The following HYAL3 variants were observed in gnomAD, a reference collection of about 807,000 sequenced individuals.
The protein encoded by HYAL3 is hyaluronidase 3, also known as hyaluronidase-3.
A neutral mutation model predicts 29.6 loss-of-function variants in HYAL3; 25 were observed. That is an observed-to-expected ratio of 0.85 (90% CI 0.62 to 1.18). The LOEUF (loss-of-function observed/expected upper bound fraction) is 1.18, where lower values mean the gene tolerates loss of function less well. Ranked by LOEUF, HYAL3 falls within the 50% of genes most tolerant of loss-of-function variation. HYAL3 has a pLI of 0.00. For synonymous variants in HYAL3, 215 were observed against 218.3 expected (o/e 0.99, Z 0.13); for missense variants, 442 against 548.4 (o/e 0.81, Z 1.94).
At chr3:50,298,937 A>G in intron 1 of HYAL3, 1 of 1,410,046 alleles carries the variant, frequency 7.1e-7, no homozygotes, top group Non-Finnish European at 9.2e-7. Flanking sequence ...TTCAGTGCCG[A>G]CCCCACCCAC....
At position 50,295,022 on chromosome 3, in the gene HYAL3, T is replaced by C. The variant is rs1553710787; in HGVS notation, c.581A>G (p.His194Arg). The C allele has an allele frequency of 6.2e-7, 1 of 1,613,384 alleles. No individual in the cohort carries two copies. Among genetic ancestry groups the C allele is most frequent in the Non-Finnish European group, 8.5e-7 (1 of 1,179,936 alleles). ...GTAGTGATAGAAGCCCCAGAGTCCA[T>C]GGGGCCGTAGTGCCTGGGCCACCCG... The part of the protein sequence containing the change: ...TLRVAQALRP[H>R]GLWGFYHYPA... The change falls in exon 2 of 4, where the codon CAT (histidine) becomes CGT (arginine). Residue 194 changes from histidine (H) to arginine (R), a missense_variant. By Grantham distance (29) the His-to-Arg change is conservative. Transcript: ENST00000336307.
chr3:50,297,136 G>A lies in HYAL3; in HGVS notation c.-17-1517C>T. On this transcript the variant is annotated intron_variant, in intron 1 of 3. Coordinates refer to ENST00000336307, the MANE Select transcript of HYAL3 (RefSeq NM_003549.4). This position sits in a 1 kb window ranked among gnomAD's most constrained non-coding sequence, Gnocchi z 4.3. ...GGTGCTGCTTCAAGTGTGGGGTGGG[G>A]GCTTAGCAGCATCAGGCAGAGGGGG... The A allele has an allele frequency of 1.3e-6, 2 of 1,583,744 alleles. No homozygotes were observed. Among genetic ancestry groups the A allele is most frequent in the East Asian group, 2.2e-5 (1 of 44,506 alleles).
chr3:50,294,986 C>A lies in HYAL3; in HGVS notation c.617G>T (p.Gly206Val). The A allele has an allele frequency of 1.2e-6, 2 of 1,613,328 alleles. No individual in the cohort carries two copies. The highest frequency in any genetic ancestry group is 1.7e-6 in the Non-Finnish European group (2 of 1,179,826). ...GGAAGCCATACTATGCCAGCCATTG[C>A]CACAGGCTGGGTAGTGATAGAAGCC... ...LWGFYHYPAC[G>V]NGWHSMASNY... is the part of the protein sequence containing the mutation. Residue 206 changes from glycine (G) to valine (V), a missense_variant, in exon 2 of 4, where the codon GGC (glycine) becomes GTC (valine). Transcript: ENST00000336307.
At position 50,299,318 on chromosome 3, in the gene HYAL3, G is replaced by C; in HGVS notation, c.-123C>G. ...CTCGGTCCGACAACGTTGGCCCCCAGCGGTGCGGCGGATGTTCTGCAGCCG... is the reference window on the plus strand; with the variant it reads ...CTCGGTCCGACAACGTTGGCCCCCACCGGTGCGGCGGATGTTCTGCAGCCG... On this transcript the variant is annotated 5_prime_UTR_variant, in exon 1 of 4. Coordinates refer to ENST00000336307, the MANE Select transcript of HYAL3 (RefSeq NM_003549.4). 6.2e-7 allele frequency: 1 copy of C among 1,602,596 alleles called. No individual in the cohort carries two copies. The highest frequency in any genetic ancestry group is 1.1e-5 in the South Asian group (1 of 90,418).
chr3:50,292,911 G>GGGCCCATCTGCCCGTGCAC lies in HYAL3; in HGVS notation c.*316_*334dup. The GGGCCCATCTGCCCGTGCAC allele has an allele frequency of 6.6e-7, 1 of 1,504,154 alleles. No homozygotes were observed. Among genetic ancestry groups the GGGCCCATCTGCCCGTGCAC allele is most frequent in the Non-Finnish European group, 8.9e-7 (1 of 1,120,246 alleles). 93.2% of individuals were successfully genotyped at this position (1,504,154 alleles called of 1,614,324 possible). ...TACCGACCTTCGCCAAGATTTTTTG[G>GGGCCCATCTGCCCGTGCAC]GGCCCATCTGCCCGTGCACGGCCCA... On this transcript the variant is annotated 3_prime_UTR_variant, in exon 4 of 4. Transcript: ENST00000336307.
chr3:50,293,603 C>T, intron 3 of HYAL3, 29 bp downstream of exon 3: 1 of 1,613,556 alleles, frequency 6.2e-7, no homozygotes, highest in Non-Finnish European at 8.5e-7. Context: ...GCATGTGCTA[C>T]ATGGCAGGCT....
At chr3:50,295,897 CACT>C (rs1347998399) in intron 1 of HYAL3, 7 of 415,092 alleles carry the variant, frequency 1.7e-5, no homozygotes, top group African/African-American at 5.9e-5. Flanking sequence ...GTCAATACAC[CACT>C]GTGTCCTCCC....
chr3:50,294,348 G>C (rs1365802137), intron 2 of HYAL3, among the ~76,000 whole-genome samples: 1 of 152,124 alleles, frequency 6.6e-6, no homozygotes, highest in African/African-American at 2.4e-5. Context: ...GCCCAGGCTG[G>C]TCTCGAACTC....
chr3:50,293,854 G>T, intron 2 of HYAL3, 133 bp from the exon 3 acceptor site: 1 of 848,854 alleles, frequency 1.2e-6, no homozygotes, highest in Non-Finnish European at 1.9e-6. Context: ...CTCTAGTTTG[G>T]TTTGGTTTTA....
rs1553710994 is a variant in HYAL3, at chr3:50,295,589, A to G, written c.14T>C (p.Leu5Pro). The change falls in exon 2 of 4, where the codon CTG (leucine) becomes CCG (proline). Residue 5 changes from leucine (L) to proline (P), a missense_variant. Physicochemically the swap from Leu to Pro is moderately conservative, Grantham distance 98. Transcript: ENST00000336307. ...CACCCCCAGCACCAGGGCTGGGCCCAGTTGCGTGGTCATTCCCCAAGGATG... is the reference window on the plus strand; with the variant it reads ...CACCCCCAGCACCAGGGCTGGGCCCGGTTGCGTGGTCATTCCCCAAGGATG... MTTQLGPALVLGVAL... is the reference protein window; with the variant it reads MTTQPGPALVLGVAL... 3.9e-6 allele frequency: 6 copies of G among 1,547,416 alleles called. No homozygotes were observed. In the Admixed American group the frequency reaches 1.1e-4, roughly 29 times the overall value.
chr3:50,297,405 G>T lies in HYAL3; in HGVS notation c.-17-1786C>A, dbSNP rs1701897432. The T allele has an allele frequency of 6.2e-7, 1 of 1,613,322 alleles. No homozygotes were observed. ...GCATGTGGAATCCAGGGGCAGCTTT[G>T]GCTGGCACGCAGGATCCAGAGTCAG... On this transcript the variant is annotated intron_variant, in intron 1 of 3. Transcript: ENST00000336307. The surrounding 1 kb of genome is among the most constrained non-coding windows in gnomAD (Gnocchi z 4.3).
intron 2 of HYAL3, among the ~76,000 whole-genome samples, chr3:50,294,440 G>T (rs1009600554): frequency 4.6e-5 from 7 of 152,094 alleles, no homozygotes; most frequent in African/African-American, 1.7e-4. Context: ...CCCAAGTAGG[G>T]CCCCTTTGTA....
chr3:50,297,205 G>A lies in HYAL3; in HGVS notation c.-17-1586C>T, dbSNP rs782362952. The A allele has an allele frequency of 3.7e-6, 6 of 1,612,546 alleles. No individual in the cohort carries two copies. The highest frequency in any genetic ancestry group is 2.2e-5 in the South Asian group (2 of 90,938). ...CCCAGGGAGTGCAGGCGGGAGGTGC[G>A]GCTGCGGGGCCACTGATCATTGATG... On this transcript the variant is annotated intron_variant, in intron 1 of 3. Coordinates refer to ENST00000336307, the MANE Select transcript of HYAL3 (RefSeq NM_003549.4). This position sits in a 1 kb window ranked among gnomAD's most constrained non-coding sequence, Gnocchi z 4.3.
intron 1 of HYAL3, 88 bp downstream of exon 1, chr3:50,299,125 G>C: frequency 6.2e-7 from 1 of 1,612,766 alleles, no homozygotes; most frequent in South Asian, 1.1e-5. Context: ...ACTGACGCGG[G>C]GAGGGCGTGC....
At chr3:50,296,661 T>C in intron 1 of HYAL3, 1 of 1,613,904 alleles carries the variant, frequency 6.2e-7, no homozygotes, top group Non-Finnish European at 8.5e-7. Flanking sequence ...ATATTGTGTC[T>C]CCAGCAGGCT....
Position 50,297,650 on chromosome 3 carries a change from T to G in HYAL3, c.-18+1563A>C. ...CCCAGTCTCCAGGCAGTAGCATCTCTTCAGACCACAGTGGCTCTCCTCCTG... is the reference window on the plus strand; with the variant it reads ...CCCAGTCTCCAGGCAGTAGCATCTCGTCAGACCACAGTGGCTCTCCTCCTG... On this transcript the variant is annotated intron_variant, in intron 1 of 3. Transcript: ENST00000336307. This position sits in a 1 kb window ranked among gnomAD's most constrained non-coding sequence, Gnocchi z 4.3. 4 of 1,428,556 alleles carry G rather than the reference T, an allele frequency of 2.8e-6. No individual in the cohort carries two copies. The highest frequency in any genetic ancestry group is 3.6e-6 in the Non-Finnish European group (4 of 1,096,496). 88.5% of individuals were successfully genotyped at this position (1,428,556 alleles called of 1,614,324 possible). A position where few individuals can be genotyped will look rare whatever the true frequency, so the allele number is the denominator to read the frequency against.
Position 50,294,859 on chromosome 3 carries a change from T to G in HYAL3, c.744A>C (p.Pro248=), listed in dbSNP as rs1339927173. The part of the protein sequence containing the change: ...SSALFPSIYL[P]PRLPPAHHQA... ...GGTGGTGGGCAGGTGGCAGCCTGGG[T>G]GGGAGGTAGATGCTGGGGAAGAGGG... The change falls in exon 2 of 4, where the codon CCA becomes CCC. Residue 248 remains proline, a synonymous_variant. Coordinates refer to ENST00000336307, the MANE Select transcript of HYAL3 (RefSeq NM_003549.4). 4.4e-5 allele frequency: 68 copies of G among 1,541,774 alleles called. No homozygotes were observed. The South Asian group carries it at 4.9e-4, about 11-fold the overall frequency.
chr3:50,298,900 C>T (rs984779501), intron 1 of HYAL3: 3 of 1,349,084 alleles, frequency 2.2e-6, no homozygotes, highest in Non-Finnish European at 2.9e-6. Context: ...AGGGCTGAGC[C>T]CGGGGCTTCC....
chr3:50,296,484 G>T, intron 1 of HYAL3: 1 of 1,212,744 alleles, frequency 8.2e-7, no homozygotes, highest in Non-Finnish European at 1.1e-6. Flanking sequence ...CAGGAAACAT[G>T]CCCAGGTTAA....
Sources: allele counts gnomAD v4.1 joint callset (sites outside exome capture counted in the v4.1 genomes callset), GRCh38; gene constraint gnomAD v4.1.1; non-coding constraint Gnocchi (gnomAD v3.1); transcripts MANE v1.5; gene names NCBI Gene and HGNC (gene_info 2026-07-23, HGNC 2026-07-21).